The following LRRC75A variants were observed in gnomAD, a reference collection of about 807,000 sequenced individuals.
The protein encoded by LRRC75A is leucine-rich repeat-containing protein 75A.
Under a neutral mutation model 26.0 loss-of-function variants are expected in LRRC75A, and 12 were observed. The ratio of observed to expected loss-of-function variants is 0.46; its 90% CI spans 0.30 to 0.75. LRRC75A has a LOEUF of 0.75. Ranked by LOEUF, LRRC75A falls within the 30% of genes least tolerant of loss-of-function variation. The pLI is 0.08. For missense variants in LRRC75A, 410 were observed against 486.6 expected, an observed-to-expected ratio of 0.84 and a Z score of 1.48; for synonymous variants, 223 against 219.3, an observed-to-expected ratio of 1.02 and a Z score of -0.15.
intron 1 of LRRC75A, among the ~76,000 whole-genome samples, chr17:16,489,963 C>T (rs562692903): frequency 1.3e-5 from 2 of 148,330 alleles, no homozygotes; most frequent in South Asian, 4.5e-4. Context: ...CTTCTTGTTT[C>T]AAGGATCCCA....
At chr17:16,453,822 G>C (rs538184144) in intron 2 of LRRC75A, among the ~76,000 whole-genome samples, 8 of 152,088 alleles carry the variant, frequency 5.3e-5, no homozygotes, top group Non-Finnish European at 1.0e-4. Context: ...CCCCCAGAGT[G>C]AGTCAGAGAA....
chr17:16,481,107 A>G (rs2093832954), intron 1 of LRRC75A, among the ~76,000 whole-genome samples: 1 of 152,246 alleles, frequency 6.6e-6, no homozygotes, highest in Non-Finnish European at 1.5e-5. Context: ...AGAGGGGCAG[A>G]GGCAGATCCA....
At chr17:16,464,588 G>C (rs377496725) in intron 1 of LRRC75A, among the ~76,000 whole-genome samples, 6 of 152,184 alleles carry the variant, frequency 3.9e-5, no homozygotes, top group African/African-American at 1.2e-4. Context: ...CCTCCTCCCT[G>C]GAAGGCCCGT....
At chr17:16,469,357 T>C (rs2093793092) in intron 1 of LRRC75A, among the ~76,000 whole-genome samples, 1 of 152,220 alleles carries the variant, frequency 6.6e-6, no homozygotes, top group South Asian at 2.1e-4. Context: ...TGGCCTTTTG[T>C]TCTTTTCCCA....
chr17:16,476,965 C>T (rs1341532402), intron 1 of LRRC75A, among the ~76,000 whole-genome samples: 5 of 151,114 alleles, frequency 3.3e-5, no homozygotes, highest in Admixed American at 6.6e-5. Context: ...GTCTCAATCT[C>T]CTGACCTTGT....
chr17:16,456,463 GAGA>G (rs770883057), intron 2 of LRRC75A, among the ~76,000 whole-genome samples: 6 of 141,816 alleles, frequency 4.2e-5, no homozygotes, highest in Non-Finnish European at 6.3e-5. Context: ...GGAAGAAGAG[GAGA>G]AGGAGAAAGA....
At chr17:16,456,532 A>G (rs1179407542) in intron 2 of LRRC75A, among the ~76,000 whole-genome samples, 1 of 152,138 alleles carries the variant, frequency 6.6e-6, no homozygotes, top group African/African-American at 2.4e-5. Flanking sequence ...TGAGACACAC[A>G]TACCCTAACT....
chr17:16,488,742 T>C (rs1350622947), intron 1 of LRRC75A, among the ~76,000 whole-genome samples: 1 of 152,256 alleles, frequency 6.6e-6, no homozygotes, highest in Non-Finnish European at 1.5e-5. Flanking sequence ...CCTGGCATCC[T>C]GCCTGCACCC....
chr17:16,485,681 T>TGTGTGTGTGTGTGTGTTC (rs748088509), intron 1 of LRRC75A, among the ~76,000 whole-genome samples: 3,457 of 134,746 alleles, frequency 0.026, 59 homozygotes, highest in Non-Finnish European at 0.036. Context: ...CGTGTGTGTG[T>TGTGTGTGTGTGTGTGTTC]GTGTGTGTGT....
intron 2 of LRRC75A, among the ~76,000 whole-genome samples, chr17:16,451,935 CGG>C (rs35162815): frequency 8.6e-5 from 13 of 150,570 alleles, no homozygotes; most frequent in African/African-American, 1.2e-4. Context: ...TTAGTAGAGA[CGG>C]GGGGTCTCAC....
intron 1 of LRRC75A, among the ~76,000 whole-genome samples, chr17:16,473,286 G>C (rs909274172): frequency 6.6e-6 from 1 of 152,170 alleles, no homozygotes; most frequent in Non-Finnish European, 1.5e-5. Context: ...CACTGCTCAG[G>C]CTTGGAAGAC....
intron 2 of LRRC75A, among the ~76,000 whole-genome samples, chr17:16,448,891 A>C (rs1568950445): frequency 6.6e-6 from 1 of 152,188 alleles, no homozygotes; most frequent in Non-Finnish European, 1.5e-5. Context: ...TTAGACCACC[A>C]GTCTGTGATT....
chr17:16,490,269 G>A (rs946008088), intron 1 of LRRC75A, among the ~76,000 whole-genome samples: 1 of 150,346 alleles, frequency 6.7e-6, no homozygotes, highest in Non-Finnish European at 1.5e-5. Context: ...ACTGTATGGT[G>A]TGTAAATAGG....
chr17:16,447,366 G>A (rs1056497483), intron 3 of LRRC75A, among the ~76,000 whole-genome samples: 18 of 152,004 alleles, frequency 1.2e-4, no homozygotes, highest in Admixed American at 6.5e-4. Flanking sequence ...GTGCAGTGGC[G>A]CTGTCTCTGC....
chr17:16,456,333 G>C (rs1297958308), intron 2 of LRRC75A, among the ~76,000 whole-genome samples: 2 of 143,650 alleles, frequency 1.4e-5, no homozygotes, highest in African/African-American at 2.6e-5. Context: ...AGAAGGAAGA[G>C]GAGGAGGAAG....
intron 1 of LRRC75A, among the ~76,000 whole-genome samples, chr17:16,476,947 C>G (rs534062477): frequency 3.3e-5 from 5 of 151,552 alleles, no homozygotes; most frequent in African/African-American, 4.9e-5. Context: ...ACCGTGTTAG[C>G]CAGGATGGTC....
rs766397294 is a variant in LRRC75A at position 16,462,223 on chromosome 17, C to T, written c.375+35G>A. ...CCAGAAAGGCACCCACCGCACACCCCGGGACCTGGCTGGCTCGGACCACAG... is the reference window on the plus strand; with the variant it reads ...CCAGAAAGGCACCCACCGCACACCCTGGGACCTGGCTGGCTCGGACCACAG... On this transcript the variant is annotated intron_variant, in intron 2 of 3. Transcript: ENST00000470794. This position sits in a 1 kb window ranked among gnomAD's most constrained non-coding sequence, Gnocchi z 4.6. The T allele has an allele frequency of 5.6e-6, 9 of 1,612,670 alleles. No individual in the cohort carries two copies. Among genetic ancestry groups the T allele is most frequent in the African/African-American group, 4.0e-5 (3 of 74,884 alleles).
chr17:16,464,110 A>AT (rs1440906601), intron 1 of LRRC75A: 2 of 152,244 alleles, frequency 1.3e-5, no homozygotes, highest in Non-Finnish European at 2.9e-5. Flanking sequence ...CCCCACCCTC[A>AT]TTAACGCCTC....
At chr17:16,472,435 T>C (rs2093809503) in intron 1 of LRRC75A, among the ~76,000 whole-genome samples, 1 of 152,072 alleles carries the variant, frequency 6.6e-6, no homozygotes, top group East Asian at 1.9e-4. Flanking sequence ...ACCCCCCCAC[T>C]GGAGGGGTAC....
Sources: allele counts gnomAD v4.1 joint callset (sites outside exome capture counted in the v4.1 genomes callset), GRCh38; gene constraint gnomAD v4.1.1; non-coding constraint Gnocchi (gnomAD v3.1); transcripts MANE v1.5; gene names NCBI Gene and HGNC (gene_info 2026-07-23, HGNC 2026-07-21).